Variants in DACH1 observed in about 807,000 individuals in gnomAD.
The protein encoded by DACH1 is dachshund family transcription factor 1.
In DACH1, 12 loss-of-function variants were observed where a neutral mutation model predicts 54.2. The ratio of observed to expected loss-of-function variants is 0.22; its 90% CI spans 0.14 to 0.36. The LOEUF is 0.36. DACH1 is among the 10% of genes least tolerant of loss of function. The probability of loss-of-function intolerance (pLI) is 1.00; values close to 1 mark genes in which losing one functional copy is unlikely to be tolerated. For synonymous variants in DACH1, 386 were observed against 366.2 expected, an observed-to-expected ratio of 1.05 and a Z score of -0.62; for missense variants, 805 against 929.8, an observed-to-expected ratio of 0.87 and a Z score of 1.75.
Position 71,620,548 on chromosome 13 carries a change from C to T in DACH1, c.1126+10008G>A, listed in dbSNP as rs1032193000. Among the ~76,000 whole-genome samples, 22 of 151,856 alleles carry T rather than the reference C, an allele frequency of 1.4e-4. 1 individual carries two copies. The highest frequency in any genetic ancestry group is 5.3e-4 in the African/African-American group (22 of 41,392). ...ACTGGATTTTCAAGTAGGCTTGTCA[C>T]TCAGATGGCATACTGCCTGAGTATA... On this transcript the variant is annotated intron_variant, in intron 3 of 10. Transcript: ENST00000613252.
In DACH1 at chr13:71,585,952, T is replaced by C. The variant is rs139304811; in HGVS notation, c.1127-12940A>G. Among the ~76,000 whole-genome samples, 1,170 of 152,242 alleles carry C rather than the reference T, an allele frequency of 7.7e-3. 12 individuals carry two copies. The highest frequency in any genetic ancestry group is 0.012 in the Non-Finnish European group (833 of 68,000). On this transcript the variant is annotated intron_variant, in intron 3 of 10. Transcript: ENST00000613252. ...CTATCATTAGAGTTTTCTAAGAAGA[T>C]GACTGAAGAACAAATTGGCTTTCAG...
intron 6 of DACH1, among the ~76,000 whole-genome samples, chr13:71,492,349 G>A (rs1879051180): frequency 1.3e-5 from 2 of 152,122 alleles, no homozygotes; most frequent in Admixed American, 1.3e-4. Flanking sequence ...AAATCCAATG[G>A]CAAGTGTCTT....
intron 6 of DACH1, among the ~76,000 whole-genome samples, chr13:71,518,791 AG>A: frequency 6.6e-6 from 1 of 151,918 alleles, no homozygotes; most frequent in Non-Finnish European, 1.5e-5. Context: ...TTTTAGAACA[AG>A]GGTAGGCAAA....
Position 71,689,209 on chromosome 13 carries a change from A to G in DACH1, c.849-7299T>C, listed in dbSNP as rs1014764474. Among the ~76,000 whole-genome samples, 3 of 152,206 alleles carry G rather than the reference A, an allele frequency of 2.0e-5. No individual in the cohort carries two copies. In the East Asian group the frequency reaches 5.8e-4, roughly 29 times the overall value. On this transcript the variant is annotated intron_variant, in intron 1 of 10. Coordinates refer to ENST00000613252, the MANE Select transcript of DACH1 (RefSeq NM_080759.6). Reference sequence around the variant, plus strand: ...ATAGGGCACATGAGAATTATTCCCCAAAAGTTAGGAAAACAGCAATTCACA... The same window carrying G: ...ATAGGGCACATGAGAATTATTCCCCGAAAGTTAGGAAAACAGCAATTCACA...
chr13:71,496,684 T>C (rs1466892755), intron 6 of DACH1, among the ~76,000 whole-genome samples: 2 of 152,058 alleles, frequency 1.3e-5, no homozygotes, highest in African/African-American at 2.4e-5. Context: ...ATAATAAAAT[T>C]ACACTTGTAC....
chr13:71,735,089 T>G (rs1274623563), intron 1 of DACH1, among the ~76,000 whole-genome samples: 1 of 149,234 alleles, frequency 6.7e-6, no homozygotes, highest in Non-Finnish European at 1.5e-5. Flanking sequence ...CGTATATGGG[T>G]TATACATATA....
chr13:71,726,161 TTA>T (rs781768377), intron 1 of DACH1, among the ~76,000 whole-genome samples: 2 of 152,126 alleles, frequency 1.3e-5, no homozygotes, highest in Non-Finnish European at 2.9e-5. Flanking sequence ...TCTCAATGAA[TTA>T]TACACTTGTA....
chr13:71,800,970 A>G (rs1015654320), intron 1 of DACH1, among the ~76,000 whole-genome samples: 6 of 152,144 alleles, frequency 3.9e-5, no homozygotes, highest in Non-Finnish European at 8.8e-5. Flanking sequence ...ATTATGGAAT[A>G]AAACAATATA....
At chr13:71,830,929 C>T (rs1199614747) in intron 1 of DACH1, among the ~76,000 whole-genome samples, 1 of 151,896 alleles carries the variant, frequency 6.6e-6, no homozygotes, top group African/African-American at 2.4e-5. Flanking sequence ...TAGGACTTAT[C>T]TTGAGATGTC....
At chr13:71,487,229 A>C (rs572821310) in intron 7 of DACH1, among the ~76,000 whole-genome samples, 1 of 152,290 alleles carries the variant, frequency 6.6e-6, no homozygotes, top group South Asian at 2.1e-4. Context: ...ATTTGGGAAT[A>C]GAAATAAATT....
intron 1 of DACH1, among the ~76,000 whole-genome samples, chr13:71,804,073 C>T (rs1887392114): frequency 6.6e-6 from 1 of 152,112 alleles, no homozygotes; most frequent in African/African-American, 2.4e-5. Flanking sequence ...AATCCCAGCA[C>T]TTCGAGAGGC....
intron 10 of DACH1, among the ~76,000 whole-genome samples, chr13:71,448,767 G>C (rs1391666252): frequency 6.6e-6 from 1 of 151,390 alleles, no homozygotes. Flanking sequence ...TATATTCAAA[G>C]CTGTGTTTAA....
chr13:71,651,369 C>CAAAAA (rs536561575), intron 2 of DACH1, among the ~76,000 whole-genome samples: 1 of 69,774 alleles, frequency 1.4e-5, no homozygotes, highest in Non-Finnish European at 3.2e-5. Flanking sequence ...CCCTGTCTCA[C>CAAAAA]AAAAAAAAAA....
At chr13:71,754,352 C>A (rs1195012064) in intron 1 of DACH1, among the ~76,000 whole-genome samples, 1 of 152,130 alleles carries the variant, frequency 6.6e-6, no homozygotes, top group Non-Finnish European at 1.5e-5. Context: ...TAATAATTTA[C>A]CTTTCCTTGC....
At chr13:71,569,901 A>C (rs1885098802) in intron 4 of DACH1, among the ~76,000 whole-genome samples, 1 of 152,164 alleles carries the variant, frequency 6.6e-6, no homozygotes, top group South Asian at 2.1e-4. Context: ...ATCTTCTATG[A>C]CATTTAACAC....
chr13:71,502,038 C>T (rs1879960017), intron 6 of DACH1, among the ~76,000 whole-genome samples: 1 of 152,098 alleles, frequency 6.6e-6, no homozygotes, highest in African/African-American at 2.4e-5. Flanking sequence ...AGGAGTAACA[C>T]ACAAATTTTT....
intron 1 of DACH1, among the ~76,000 whole-genome samples, chr13:71,781,362 A>C (rs977984481): frequency 2.5e-4 from 37 of 147,258 alleles, no homozygotes; most frequent in Non-Finnish European, 5.5e-4. Flanking sequence ...TTATTTATTT[A>C]TTTATTTATT....
intron 1 of DACH1, among the ~76,000 whole-genome samples, chr13:71,810,995 A>T (rs1030458650): frequency 6.6e-6 from 1 of 151,858 alleles, no homozygotes; most frequent in Non-Finnish European, 1.5e-5. Flanking sequence ...GAACCAGAAC[A>T]TTTTTTTTCA....
At chr13:71,521,457 T>G (rs1329620102) in intron 6 of DACH1, among the ~76,000 whole-genome samples, 1 of 152,030 alleles carries the variant, frequency 6.6e-6, no homozygotes, top group Admixed American at 6.6e-5. Flanking sequence ...CAATACTGCT[T>G]GAATGGGAAT....
Sources: gnomAD v4.1 joint callset for allele counts (sites outside exome capture counted in the v4.1 genomes callset) on GRCh38, gnomAD v4.1.1 for gene constraint, MANE v1.5 for transcripts, NCBI Gene and HGNC (gene_info 2026-07-23, HGNC 2026-07-21) for gene names.